Variants in SPTBN1 observed in about 807,000 individuals in gnomAD.
SPTBN1 encodes spectrin beta chain, non-erythrocytic 1.
In SPTBN1, 32 loss-of-function variants were observed where a neutral mutation model predicts 266.4. The ratio of observed to expected loss-of-function variants is 0.12; its 90% CI spans 0.09 to 0.16. The LOEUF (loss-of-function observed/expected upper bound fraction) is 0.16. Ranked by LOEUF, SPTBN1 falls within the 10% of genes least tolerant of loss-of-function variation. The probability of loss-of-function intolerance (pLI) is 1.00; values close to 1 mark genes in which losing one functional copy is unlikely to be tolerated. For synonymous variants in SPTBN1, 1,336 were observed against 1,162.2 expected, an observed-to-expected ratio of 1.15 and a Z score of -3.04; for missense variants, 2,296 against 3,067.1, an observed-to-expected ratio of 0.75 and a Z score of 5.94.
chr2:54,531,838 G>T (rs1426970044), intron 2 of SPTBN1, among the ~76,000 whole-genome samples: 1 of 152,000 alleles, frequency 6.6e-6, no homozygotes, highest in Non-Finnish European at 1.5e-5. Context: ...GAAATACAGA[G>T]AACTTGACCT....
intron 1 of SPTBN1, among the ~76,000 whole-genome samples, chr2:54,505,299 C>A (rs1251080832): frequency 2.0e-5 from 3 of 152,198 alleles, no homozygotes; most frequent in Non-Finnish European, 2.9e-5. Context: ...GTACTCAGTT[C>A]TTTCTGTAGC....
chr2:54,619,843 C>T (rs1677877005), intron 7 of SPTBN1, among the ~76,000 whole-genome samples: 1 of 152,146 alleles, frequency 6.6e-6, no homozygotes, highest in Non-Finnish European at 1.5e-5. Context: ...CTTAGTGACC[C>T]TGGGCAGGGA....
intron 32 of SPTBN1, chr2:54,660,236 C>T (rs1410925469): frequency 1.4e-6 from 2 of 1,388,644 alleles, no homozygotes; most frequent in African/African-American, 2.9e-5. Context: ...ATGTTTGAGT[C>T]TCTTAACTGA....
intron 2 of SPTBN1, among the ~76,000 whole-genome samples, chr2:54,578,434 G>A (rs1674636451): frequency 1.3e-5 from 2 of 152,154 alleles, no homozygotes; most frequent in African/African-American, 4.8e-5. Context: ...TGAATAAAAT[G>A]GATAATCCCT....
At chr2:54,597,748 A>G (rs1040390479) in intron 2 of SPTBN1, among the ~76,000 whole-genome samples, 2 of 152,082 alleles carry the variant, frequency 1.3e-5, no homozygotes, top group Non-Finnish European at 2.9e-5. Context: ...CTTCTGGCCA[A>G]CCTGAGAACC....
intron 1 of SPTBN1, among the ~76,000 whole-genome samples, chr2:54,518,384 C>CA (rs1203649810): frequency 6.6e-6 from 1 of 150,558 alleles, no homozygotes; most frequent in East Asian, 1.9e-4. Flanking sequence ...AGCAAACCAA[C>CA]ACGGCACACG....
intron 9 of SPTBN1, 92 bp downstream of exon 9, chr2:54,622,579 T>C (rs1277737714): frequency 1.4e-6 from 2 of 1,442,492 alleles, no homozygotes; most frequent in Non-Finnish European, 1.9e-6. Context: ...TAATCTCATC[T>C]CTTAACTGAA....
chr2:54,496,230 G>A (rs1479395449), intron 1 of SPTBN1, among the ~76,000 whole-genome samples: 1 of 151,968 alleles, frequency 6.6e-6, no homozygotes, highest in East Asian at 1.9e-4. Flanking sequence ...CTAAGCTCAG[G>A]AGTTCGAGAC....
chr2:54,648,169 T>A (rs932652613), intron 24 of SPTBN1, among the ~76,000 whole-genome samples: 6 of 152,166 alleles, frequency 3.9e-5, no homozygotes, highest in African/African-American at 7.2e-5. Flanking sequence ...TTTTATGACT[T>A]GGAAAGGAAT....
intron 2 of SPTBN1, among the ~76,000 whole-genome samples, chr2:54,572,049 C>T (rs976068217): frequency 6.0e-5 from 9 of 151,258 alleles, no homozygotes; most frequent in Non-Finnish European, 1.2e-4. Context: ...ATTTAGGGAA[C>T]TCTTGTGGTT....
At chr2:54,472,864 C>A (rs1340175901) in intron 1 of SPTBN1, among the ~76,000 whole-genome samples, 1 of 152,156 alleles carries the variant, frequency 6.6e-6, no homozygotes, top group East Asian at 1.9e-4. Flanking sequence ...CAGTGAGTTA[C>A]ATGTTAAATA....
Position 54,558,614 on chromosome 2 carries a change from T to C in SPTBN1, c.148+32048T>C, listed in dbSNP as rs1673045659. The C allele has an allele frequency of 7.0e-7, 1 of 1,437,174 alleles. No homozygotes were observed. 89.0% of individuals were successfully genotyped at this position (1,437,174 alleles called of 1,614,324 possible). A position where few individuals can be genotyped will look rare whatever the true frequency, so the allele number is the denominator to read the frequency against. On this transcript the variant is annotated intron_variant, in intron 2 of 35. Transcript: ENST00000356805. This position sits in a 1 kb window ranked among gnomAD's most constrained non-coding sequence, Gnocchi z 4.6. ...CCTCGCGGAGCTAAGGTGGACTCTC[T>C]TGCAGCCAACTTCCCATCAGATCAC...
chr2:54,523,403 G>A (rs1670603747), intron 1 of SPTBN1, among the ~76,000 whole-genome samples: 1 of 152,196 alleles, frequency 6.6e-6, no homozygotes, highest in Admixed American at 6.5e-5. Flanking sequence ...CACAGATGTT[G>A]TGGCTCAGTG....
Position 54,628,143 on chromosome 2 carries a change from A to T in SPTBN1, c.1691A>T (p.Glu564Val), listed in dbSNP as rs1222720229. 6.2e-7 allele frequency: 1 copy of T among 1,614,008 alleles called. No individual in the cohort carries two copies. The highest frequency in any genetic ancestry group is 1.1e-5 in the South Asian group (1 of 91,066). Residue 564 changes from glutamate (E) to valine (V), a missense_variant, in exon 13 of 36, where the codon GAA becomes GTA. Coordinates refer to ENST00000356805, the MANE Select transcript of SPTBN1 (RefSeq NM_003128.3). This position sits in a 1 kb window ranked among gnomAD's most constrained non-coding sequence, Gnocchi z 4.3. ...TATGGCAAACACTTACTTGGTGTGG[A>T]AGACCTGTTACAGAAGCACACCCTG... ...QDYGKHLLGV[E>V]DLLQKHTLVE...
At chr2:54,508,435 T>A (rs533735492) in intron 1 of SPTBN1, among the ~76,000 whole-genome samples, 2 of 152,168 alleles carry the variant, frequency 1.3e-5, no homozygotes, top group African/African-American at 4.8e-5. Context: ...TGAGGAGTAG[T>A]AGAATAGCAG....
At chr2:54,571,520 ACCTATTACTGTT>A (rs1031005018) in intron 2 of SPTBN1, among the ~76,000 whole-genome samples, 21 of 151,718 alleles carry the variant, frequency 1.4e-4, no homozygotes, top group Admixed American at 1.4e-3. Context: ...ATATGAAGAT[ACCTATTACTGTT>A]CCCTAATTGT....
chr2:54,590,575 G>A (rs1157755440), intron 2 of SPTBN1, among the ~76,000 whole-genome samples: 1 of 152,224 alleles, frequency 6.6e-6, no homozygotes, highest in African/African-American at 2.4e-5. Context: ...ATCAAATGAT[G>A]ATTGCTGACA....
chr2:54,629,432 T>C lies in SPTBN1; in HGVS notation c.2298T>C (p.Ile766=), dbSNP rs541254034. 1 of 1,614,120 alleles carries C rather than the reference T, an allele frequency of 6.2e-7. No homozygotes were observed. The highest frequency in any genetic ancestry group is 1.7e-5 in the Admixed American group (1 of 60,030). The part of the protein sequence containing the change: ...IDAWMLDILK[I]VSSSDVGHDE... Reference sequence around the variant, plus strand: ...CCTGGATGCTGGACATCCTCAAGATTGTCTCCAGCAGCGACGTGGGCCACG... The same window carrying C: ...CCTGGATGCTGGACATCCTCAAGATCGTCTCCAGCAGCGACGTGGGCCACG... Residue 766 remains isoleucine (I), a synonymous_variant, in exon 14 of 36, where the codon ATT becomes ATC. Coordinates refer to ENST00000356805, the MANE Select transcript of SPTBN1 (RefSeq NM_003128.3).
Position 54,630,731 on chromosome 2 carries a change from C to T in SPTBN1, c.2808-124C>T, listed in dbSNP as rs943312803. 5 of 1,212,294 alleles carry T rather than the reference C, an allele frequency of 4.1e-6. No homozygotes were observed. The African/African-American group carries it at 6.1e-5, about 15-fold the overall frequency. 75.1% of individuals were successfully genotyped at this position (1,212,294 alleles called of 1,614,324 possible). On this transcript the variant is annotated intron_variant, in intron 15 of 35. Coordinates refer to ENST00000356805, the MANE Select transcript of SPTBN1 (RefSeq NM_003128.3). Reference sequence around the variant, plus strand: ...TGAGTGAGATGATTTTCCAAAAAAGCATGTAGTCAAAGCACAGATGGAGAA... The same window carrying T: ...TGAGTGAGATGATTTTCCAAAAAAGTATGTAGTCAAAGCACAGATGGAGAA...
Sources: gnomAD v4.1 joint callset for allele counts (sites outside exome capture counted in the v4.1 genomes callset) on GRCh38, gnomAD v4.1.1 for gene constraint, Gnocchi (gnomAD v3.1) non-coding constraint, MANE v1.5 for transcripts, NCBI Gene and HGNC (gene_info 2026-07-23, HGNC 2026-07-21) for gene names.